The following TNRC6C variants were observed in gnomAD, a reference collection of about 807,000 sequenced individuals.
The protein encoded by TNRC6C is trinucleotide repeat-containing gene 6C protein.
A neutral mutation model predicts 153.7 loss-of-function variants in TNRC6C; 20 were observed. The observed-to-expected ratio is 0.13, with a 90% CI of 0.09 to 0.19. The LOEUF is 0.19. Ranked by LOEUF, TNRC6C falls within the 10% of genes least tolerant of loss-of-function variation. TNRC6C has a pLI of 1.00. For missense variants in TNRC6C, 1,987 were observed against 2,172.0 expected, an observed-to-expected ratio of 0.91 and a Z score of 1.69; for synonymous variants, 811 against 841.4, an observed-to-expected ratio of 0.96 and a Z score of 0.63.
chr17:78,086,549 G>A (rs368283608), exon 12 of TNRC6C: 45 of 1,613,810 alleles, frequency 2.8e-5, no homozygotes, highest in East Asian at 2.0e-4. Context: ...CAGGCCCAGC[G>A]TAATGTGTCC....
chr17:77,961,957 C>A (rs897864888), intron 1 of TNRC6C, among the ~76,000 whole-genome samples: 10 of 152,162 alleles, frequency 6.6e-5, no homozygotes, highest in Non-Finnish European at 1.3e-4. Context: ...AGAGGAGGGT[C>A]AGGGCTGGAG....
At chr17:78,069,062 G>A (rs1397368823) in intron 5 of TNRC6C, among the ~76,000 whole-genome samples, 1 of 152,110 alleles carries the variant, frequency 6.6e-6, no homozygotes, top group East Asian at 1.9e-4. Flanking sequence ...AAATTTTTTT[G>A]TGTCAATAGA....
intron 16 of TNRC6C, among the ~76,000 whole-genome samples, chr17:78,095,082 T>C (rs2073460725): frequency 6.6e-6 from 1 of 152,140 alleles, no homozygotes; most frequent in Non-Finnish European, 1.5e-5. Context: ...TGTGGAGAAG[T>C]GGGATGCAGG....
chr17:78,001,724 T>A (rs2071415627), upstream of TNRC6C, among the ~76,000 whole-genome samples: 1 of 152,132 alleles, frequency 6.6e-6, no homozygotes, highest in South Asian at 2.1e-4. Context: ...TTTATACAGT[T>A]ACACGAGCAG....
intron 2 of TNRC6C, among the ~76,000 whole-genome samples, chr17:78,041,528 A>G (rs1015943705): frequency 1.3e-5 from 2 of 152,170 alleles, no homozygotes; most frequent in East Asian, 1.9e-4. Context: ...TTTGGACACT[A>G]TTTGTGTTTC....
chr17:78,103,923 T>C (rs1342686624), intron 19 of TNRC6C, among the ~76,000 whole-genome samples: 1 of 152,180 alleles, frequency 6.6e-6, no homozygotes, highest in Admixed American at 6.5e-5. Flanking sequence ...TCTCCAAACG[T>C]AGTCACATGG....
chr17:78,090,107 A>G (rs1370837661), intron 13 of TNRC6C, among the ~76,000 whole-genome samples: 1 of 152,206 alleles, frequency 6.6e-6, no homozygotes, highest in Non-Finnish European at 1.5e-5. Flanking sequence ...GGGCTTGCAA[A>G]GGCGTTTTGT....
chr17:78,023,831 C>T (rs899445187), intron 1 of TNRC6C, among the ~76,000 whole-genome samples: 1 of 148,766 alleles, frequency 6.7e-6, no homozygotes, highest in African/African-American at 2.5e-5. Flanking sequence ...AAAGCCTGGC[C>T]GGGCACTGTG....
At chr17:78,070,878 C>G (rs370001052) in intron 5 of TNRC6C, among the ~76,000 whole-genome samples, 1 of 152,092 alleles carries the variant, frequency 6.6e-6, no homozygotes, top group South Asian at 2.1e-4. Context: ...CACATATATA[C>G]CAACCTGCAA....
chr17:78,053,064 G>A (rs2072569747), intron 3 of TNRC6C, among the ~76,000 whole-genome samples: 1 of 152,170 alleles, frequency 6.6e-6, no homozygotes, highest in African/African-American at 2.4e-5. Context: ...ATAAGGGCCT[G>A]TGCATTTTCT....
At chr17:78,077,655 G>A (rs1294228863) in intron 9 of TNRC6C, 1 of 342,032 alleles carries the variant, frequency 2.9e-6, no homozygotes, top group Non-Finnish European at 5.4e-6. Flanking sequence ...GCATCCAGAG[G>A]TCCAGGTAGT....
chr17:78,049,508 G>T lies in TNRC6C; in HGVS notation c.446G>T (p.Gly149Val). Residue 149 changes from glycine (G) to valine (V), a missense_variant, in exon 3 of 20, where the codon GGT (glycine) becomes GTT (valine). Physicochemically the swap from Gly to Val is moderately radical, Grantham distance 109. Around this residue, in one of 4 missense-constraint regions of TNRC6C, gnomAD observed 1,052 missense variants for 1,017.0 expected, o/e 1.03. Coordinates refer to ENST00000301624, the Ensembl canonical transcript of TNRC6C. This position sits in a 1 kb window ranked among gnomAD's most constrained non-coding sequence, Gnocchi z 4.1. ...AACGGGAACCCAACAGGCACTTTAG[G>T]TGCTTGGGGAAACTTGCTGCCACAA... is the stretch of plus-strand genomic sequence containing the variant. 1 of 1,614,032 alleles carries T rather than the reference G, an allele frequency of 6.2e-7. No individual in the cohort carries two copies. The highest frequency in any genetic ancestry group is 8.5e-7 in the Non-Finnish European group (1 of 1,179,904).
At chr17:78,051,533 G>T (rs936553615) in intron 3 of TNRC6C, 85 bp downstream of exon 5, 21 of 1,290,900 alleles carry the variant, frequency 1.6e-5, no homozygotes, top group Non-Finnish European at 2.1e-5. Context: ...AATACTCCGA[G>T]TAGTGTTTTT....
chr17:78,069,268 T>C (rs1598753982), intron 5 of TNRC6C, among the ~76,000 whole-genome samples: 2 of 152,054 alleles, frequency 1.3e-5, no homozygotes, highest in Non-Finnish European at 1.5e-5. Flanking sequence ...GAAGAGTAGC[T>C]GGTCCACAGA....
intron 1 of TNRC6C, among the ~76,000 whole-genome samples, chr17:77,967,998 A>G (rs555104164): frequency 1.2e-4 from 18 of 152,284 alleles, no homozygotes; most frequent in Non-Finnish European, 2.6e-4. Flanking sequence ...GTTACTTTAT[A>G]AAAATTTGAG....
chr17:78,053,142 A>G (rs2072571948), intron 3 of TNRC6C, among the ~76,000 whole-genome samples: 1 of 152,138 alleles, frequency 6.6e-6, no homozygotes, highest in African/African-American at 2.4e-5. Context: ...ATCAGTAGCC[A>G]CTGAGCATCA....
chr17:78,086,191 G>A (rs556521796), intron 11 of TNRC6C, among the ~76,000 whole-genome samples: 3 of 151,838 alleles, frequency 2.0e-5, no homozygotes, highest in East Asian at 1.9e-4. Context: ...TTAGCTGGGC[G>A]TGGTGGCACA....
intron 2 of TNRC6C, among the ~76,000 whole-genome samples, chr17:78,045,279 T>C (rs911007182): frequency 8.5e-5 from 13 of 152,200 alleles, no homozygotes; most frequent in African/African-American, 2.9e-4. Context: ...GAAAAGGTTC[T>C]AGAAATACCC....
At chr17:78,076,458 T>C (rs1270825237) in intron 8 of TNRC6C, among the ~76,000 whole-genome samples, 4 of 152,188 alleles carry the variant, frequency 2.6e-5, no homozygotes, top group Non-Finnish European at 5.9e-5. Flanking sequence ...TCATACTGTT[T>C]AAACTGATAA....
Sources: gnomAD v4.1 joint callset for allele counts (sites outside exome capture counted in the v4.1 genomes callset) on GRCh38, gnomAD v4.1.1 for gene constraint, gnomAD v4.1.1 regional missense constraint, Gnocchi (gnomAD v3.1) non-coding constraint, MANE v1.5 for transcripts, NCBI Gene and HGNC (gene_info 2026-07-23, HGNC 2026-07-21) for gene names.